The following TMEM74 variants were observed in gnomAD, a reference collection of about 807,000 sequenced individuals.
The protein encoded by TMEM74 is transmembrane protein 74.
Under a neutral mutation model 18.1 loss-of-function variants are expected in TMEM74, and 13 were observed. The observed-to-expected ratio is 0.72, with a 90% CI of 0.47 to 1.14. TMEM74 has a LOEUF of 1.14. Ranked by LOEUF, TMEM74 falls within the 50% of genes most tolerant of loss-of-function variation. TMEM74 has a pLI of 0.00. For missense variants in TMEM74, 372 were observed against 375.9 expected, an observed-to-expected ratio of 0.99 and a Z score of 0.09; for synonymous variants, 159 against 146.6, an observed-to-expected ratio of 1.08 and a Z score of -0.61.
At position 108,611,640 on chromosome 8, in the gene TMEM74, C is replaced by A. The variant is rs568264052; in HGVS notation, n.265-2814G>T. On this transcript the variant is annotated intron_variant and non_coding_transcript_variant, in intron 2 of 3. Transcript: ENST00000518838. Reference sequence around the variant, plus strand: ...TGAGGACTTTTATATGTGTTGTTGCCGATTTTTAATTCTTCCTCAGCAACG... The same window carrying A: ...TGAGGACTTTTATATGTGTTGTTGCAGATTTTTAATTCTTCCTCAGCAACG... Among the ~76,000 whole-genome samples the A allele has an allele frequency of 2.0e-5, 3 of 152,152 alleles. No individual in the cohort carries two copies. In the South Asian group the frequency reaches 6.2e-4, roughly 32 times the overall value.
At chr8:108,771,123 T>C (rs994961814) in intron 1 of TMEM74, among the ~76,000 whole-genome samples, 2 of 152,204 alleles carry the variant, frequency 1.3e-5, no homozygotes, top group African/African-American at 4.8e-5. Context: ...TTTCTCTAAT[T>C]AGGCATTATT....
chr8:108,635,703 G>A (rs573138608), intron 2 of TMEM74, among the ~76,000 whole-genome samples: 19 of 152,028 alleles, frequency 1.2e-4, no homozygotes, highest in South Asian at 8.3e-4. Context: ...CTCAGCTTAC[G>A]TCCCTTTTCA....
chr8:108,658,413 C>G (rs1812867401), intron 1 of TMEM74, among the ~76,000 whole-genome samples: 1 of 151,978 alleles, frequency 6.6e-6, no homozygotes, highest in Non-Finnish European at 1.5e-5. Context: ...GTGACTGAGA[C>G]CAGCCCTAAT....
chr8:108,636,161 T>G (rs1175210210), intron 2 of TMEM74, among the ~76,000 whole-genome samples: 1 of 152,082 alleles, frequency 6.6e-6, no homozygotes, highest in Non-Finnish European at 1.5e-5. Context: ...AGTGAATATA[T>G]GCTGAATAGA....
At chr8:108,757,526 AGAGT>A (rs1006662877) in intron 1 of TMEM74, among the ~76,000 whole-genome samples, 10 of 152,068 alleles carry the variant, frequency 6.6e-5, no homozygotes, top group African/African-American at 2.4e-4. Flanking sequence ...CTTATATAAT[AGAGT>A]AAGTTAATTA....
In TMEM74 at chr8:108,756,692, G is replaced by GAAAT. The variant is rs1296782741; in HGVS notation, n.119+30783_119+30784insATTT. Among the ~76,000 whole-genome samples, 4 of 103,926 alleles carry GAAAT rather than the reference G, an allele frequency of 3.8e-5. 1 individual carries two copies. The highest frequency in any genetic ancestry group is 7.3e-5 in the Non-Finnish European group (4 of 54,928). 68.2% of individuals were successfully genotyped at this position (103,926 alleles called of 152,430 possible). A position where few individuals can be genotyped will look rare whatever the true frequency, so the allele number is the denominator to read the frequency against. ...AGAAAGAAAGAAAGAAAGAAAGAAAGAAAGAAGGAAGGAAAGAAAGAAAGA... is the reference window on the plus strand; with the variant it reads ...AGAAAGAAAGAAAGAAAGAAAGAAAGAAATAAAGAAGGAAGGAAAGAAAGAAAGA... On this transcript the variant is annotated intron_variant and non_coding_transcript_variant, in intron 1 of 3. Transcript: ENST00000518838.
chr8:108,697,998 G>A lies in TMEM74; in HGVS notation n.120-42561C>T, dbSNP rs1424886655. ...CCCTGAGTGCCTGCCCTGAGTGCCT[G>A]GACTCTGTGTCTCTTGTTCATGTGG... On this transcript the variant is annotated intron_variant and non_coding_transcript_variant, in intron 1 of 3. Transcript: ENST00000518838. Among the ~76,000 whole-genome samples the A allele has an allele frequency of 2.6e-5, 4 of 152,204 alleles. No individual in the cohort carries two copies. In the East Asian group the frequency reaches 5.8e-4, roughly 22 times the overall value.
chr8:108,673,514 C>G (rs73308007), intron 1 of TMEM74, among the ~76,000 whole-genome samples: 362 of 152,286 alleles, frequency 2.4e-3, no homozygotes, highest in African/African-American at 7.9e-3. Flanking sequence ...GTAAACATCT[C>G]TCACGATGGC....
intron 1 of TMEM74, among the ~76,000 whole-genome samples, chr8:108,658,752 C>T (rs1784534638): frequency 6.6e-6 from 1 of 152,102 alleles, no homozygotes; most frequent in Admixed American, 6.6e-5. Context: ...CTCTGAGCCT[C>T]AACTGTAAAG....
rs537185606 is a variant in TMEM74 at position 108,779,473 on chromosome 8, C to T, written c.*4708G>A. On this transcript the variant is annotated 3_prime_UTR_variant, in exon 2 of 2. Coordinates refer to ENST00000297459, the MANE Select transcript of TMEM74 (RefSeq NM_153015.3). ...TCCCCTGAAATAAAATAACAATTCA[C>T]GGTAAAATAATTTCCAAATATCTCA... Among the ~76,000 whole-genome samples the T allele has an allele frequency of 4.1e-4, 63 of 152,114 alleles. No individual in the cohort carries two copies. The highest frequency in any genetic ancestry group is 2.6e-3 in the Admixed American group (40 of 15,250).
At position 108,737,787 on chromosome 8, in the gene TMEM74, A is replaced by AT. The variant is rs1016276589; in HGVS notation, n.119+49688dup. Among the ~76,000 whole-genome samples the AT allele has an allele frequency of 9.8e-5, 15 of 152,292 alleles. No individual in the cohort carries two copies. The Middle Eastern group carries it at 0.017, about 173-fold the overall frequency. On this transcript the variant is annotated intron_variant and non_coding_transcript_variant, in intron 1 of 3. Coordinates refer to the TMEM74 transcript ENST00000518838. ...GAATAGCATTTACTCAAAGCAATATATGTGAGTCTACCACTCACATCCACT... is the reference window on the plus strand; with the variant it reads ...GAATAGCATTTACTCAAAGCAATATATTGTGAGTCTACCACTCACATCCACT...
Position 108,782,013 on chromosome 8 carries a change from T to C in TMEM74, c.*2168A>G, listed in dbSNP as rs1267345795. On this transcript the variant is annotated 3_prime_UTR_variant, in exon 2 of 2. Coordinates refer to ENST00000297459, the MANE Select transcript of TMEM74 (RefSeq NM_153015.3). ...TGGCTAATTAATCCTGTTTCACCAATAAATAAAAACTCAGTTGATCTCATT... is the reference window on the plus strand; with the variant it reads ...TGGCTAATTAATCCTGTTTCACCAACAAATAAAAACTCAGTTGATCTCATT... Among the ~76,000 whole-genome samples the C allele has an allele frequency of 2.6e-5, 4 of 152,234 alleles. No homozygotes were observed. Among genetic ancestry groups the C allele is most frequent in the African/African-American group, 4.8e-5 (2 of 41,460 alleles).
chr8:108,740,282 A>G (rs1813787401), intron 1 of TMEM74, among the ~76,000 whole-genome samples: 1 of 152,110 alleles, frequency 6.6e-6, no homozygotes, highest in African/African-American at 2.4e-5. Flanking sequence ...GTCATGCTTC[A>G]CCCATAATCG....
chr8:108,765,732 T>C (rs923001073), intron 1 of TMEM74, among the ~76,000 whole-genome samples: 1 of 152,084 alleles, frequency 6.6e-6, no homozygotes, highest in Non-Finnish European at 1.5e-5. Context: ...TTAACGTTAA[T>C]AACAGCTCAA....
intron 1 of TMEM74, among the ~76,000 whole-genome samples, chr8:108,700,153 G>GTGTGTGTGTA (rs1813321579): frequency 6.6e-6 from 1 of 151,808 alleles, no homozygotes; most frequent in Non-Finnish European, 1.5e-5. Flanking sequence ...GTGTGTGTGT[G>GTGTGTGTGTA]TGTGTGTGTG....
intron 1 of TMEM74, among the ~76,000 whole-genome samples, chr8:108,657,584 G>A (rs1259165802): frequency 2.0e-5 from 3 of 151,676 alleles, no homozygotes; most frequent in South Asian, 2.1e-4. Flanking sequence ...TGGACCGGGC[G>A]CGGTGGCTCA....
intron 1 of TMEM74, among the ~76,000 whole-genome samples, chr8:108,669,969 C>T (rs774651844): frequency 1.4e-4 from 19 of 139,852 alleles, no homozygotes; most frequent in Non-Finnish European, 2.1e-4. Context: ...ACTCGGGAGG[C>T]AGAGGTTACA....
intron 1 of TMEM74, among the ~76,000 whole-genome samples, chr8:108,720,956 A>G (rs1813581403): frequency 6.6e-6 from 1 of 152,026 alleles, no homozygotes; most frequent in Admixed American, 6.6e-5. Context: ...TTTAGTAGAG[A>G]TGTGGTTTTA....
chr8:108,711,168 C>A (rs1299146725), intron 1 of TMEM74, among the ~76,000 whole-genome samples: 1 of 152,196 alleles, frequency 6.6e-6, no homozygotes, highest in East Asian at 1.9e-4. Flanking sequence ...CAATCCTTTT[C>A]ATCCTCATTT....
Sources: gnomAD v4.1 joint callset for allele counts (sites outside exome capture counted in the v4.1 genomes callset) on GRCh38, gnomAD v4.1.1 for gene constraint, MANE v1.5 for transcripts, NCBI Gene and HGNC (gene_info 2026-07-23, HGNC 2026-07-21) for gene names.